Variants in RBFOX1 observed in about 807,000 individuals in gnomAD.
RBFOX1 encodes the protein RNA binding protein fox-1 homolog 1.
In RBFOX1, 8 loss-of-function variants were observed where a neutral mutation model predicts 57.7. The ratio of observed to expected loss-of-function variants is 0.14; its 90% CI spans 0.08 to 0.25. The LOEUF is 0.25. RBFOX1 is among the 10% of genes least tolerant of loss of function. The pLI is 1.00. For synonymous variants in RBFOX1, 326 were observed against 222.4 expected, an observed-to-expected ratio of 1.47 and a Z score of -4.15; for missense variants, 611 against 548.5, an observed-to-expected ratio of 1.11 and a Z score of -1.14.
chr16:7,573,275 G>C (rs2092979988), intron 5 of RBFOX1, among the ~76,000 whole-genome samples: 1 of 152,134 alleles, frequency 6.6e-6, no homozygotes, highest in South Asian at 2.1e-4. Flanking sequence ...AAGCGACAAT[G>C]GGAGACAGGC....
intron 2 of RBFOX1, among the ~76,000 whole-genome samples, chr16:5,579,919 C>T (rs2046604917): frequency 6.6e-6 from 1 of 152,006 alleles, no homozygotes; most frequent in Non-Finnish European, 1.5e-5. Flanking sequence ...GCCACCACGC[C>T]CGGCTAATTT....
At chr16:7,318,819 G>T (rs1464236594) in intron 4 of RBFOX1, among the ~76,000 whole-genome samples, 2 of 152,126 alleles carry the variant, frequency 1.3e-5, no homozygotes, top group Non-Finnish European at 2.9e-5. Flanking sequence ...CGTAGAACAG[G>T]TGTGTGGTGA....
intron 5 of RBFOX1, among the ~76,000 whole-genome samples, chr16:7,568,524 C>A (rs986327793): frequency 6.6e-6 from 1 of 152,016 alleles, no homozygotes. Flanking sequence ...GCTTCTTTAC[C>A]TGTTTTATCA....
chr16:6,528,962 C>G (rs921340666), intron 2 of RBFOX1, among the ~76,000 whole-genome samples: 16 of 152,136 alleles, frequency 1.1e-4, no homozygotes, highest in Non-Finnish European at 2.2e-4. Flanking sequence ...TGAACATTAT[C>G]AATTTCTATT....
At chr16:7,700,144 C>G (rs1265757233) in intron 14 of RBFOX1, among the ~76,000 whole-genome samples, 6 of 152,072 alleles carry the variant, frequency 3.9e-5, no homozygotes, top group African/African-American at 7.2e-5. Context: ...TTTGGATCAT[C>G]AATCCAATTC....
chr16:6,910,236 C>T (rs146757879), intron 3 of RBFOX1, among the ~76,000 whole-genome samples: 13 of 152,192 alleles, frequency 8.5e-5, no homozygotes, highest in African/African-American at 2.9e-4. Context: ...GAGATGATTA[C>T]TTCACATTTG....
chr16:5,996,726 G>A (rs944667211), intron 4 of RBFOX1, among the ~76,000 whole-genome samples: 5 of 151,968 alleles, frequency 3.3e-5, no homozygotes, highest in African/African-American at 9.7e-5. Context: ...TTTAACTGAC[G>A]GTCACAGACA....
chr16:7,197,937 C>G (rs997472317), intron 4 of RBFOX1, among the ~76,000 whole-genome samples: 11 of 149,038 alleles, frequency 7.4e-5, no homozygotes, highest in African/African-American at 2.7e-4. Context: ...GAAAAATGAT[C>G]ATGTGTTTTC....
At chr16:7,172,985 T>C (rs944863351) in intron 4 of RBFOX1, among the ~76,000 whole-genome samples, 2 of 152,102 alleles carry the variant, frequency 1.3e-5, no homozygotes, top group Admixed American at 6.6e-5. Flanking sequence ...GTAAAAGAAT[T>C]GCAAAACAAA....
intron 3 of RBFOX1, among the ~76,000 whole-genome samples, chr16:5,796,547 C>A (rs1053034995): frequency 6.9e-6 from 1 of 144,938 alleles, no homozygotes; most frequent in African/African-American, 2.7e-5. Flanking sequence ...AGGGCTGTAT[C>A]AGATGGTGTC....
intron 3 of RBFOX1, among the ~76,000 whole-genome samples, chr16:5,697,530 C>CTTTTTT (rs1359016409): frequency 1.0e-5 from 1 of 98,014 alleles, no homozygotes; most frequent in Non-Finnish European, 2.2e-5. Context: ...CTTTTCTTTT[C>CTTTTTT]TATTCTTTTT....
At chr16:7,264,171 C>T (rs141365433) in intron 4 of RBFOX1, among the ~76,000 whole-genome samples, 2 of 152,236 alleles carry the variant, frequency 1.3e-5, no homozygotes, top group East Asian at 3.9e-4. Flanking sequence ...GGCTCCTGGA[C>T]TCCAGACCTC....
At chr16:7,258,260 T>G in intron 4 of RBFOX1, among the ~76,000 whole-genome samples, 1 of 152,244 alleles carries the variant, frequency 6.6e-6, no homozygotes, top group East Asian at 1.9e-4. Flanking sequence ...AGTGTCCTTC[T>G]TATTAATTAT....
chr16:7,624,564 C>T (rs1041926274), intron 10 of RBFOX1, among the ~76,000 whole-genome samples: 5 of 152,138 alleles, frequency 3.3e-5, no homozygotes, highest in South Asian at 2.1e-4. Context: ...GGCACATAGA[C>T]GAGTAGATGC....
intron 3 of RBFOX1, among the ~76,000 whole-genome samples, chr16:6,915,763 G>C (rs546795817): frequency 2.0e-5 from 3 of 152,132 alleles, no homozygotes; most frequent in Non-Finnish European, 2.9e-5. Flanking sequence ...TGTTGCCCAT[G>C]CTGCCCTCAA....
chr16:5,669,081 A>T (rs1050620734), intron 3 of RBFOX1, among the ~76,000 whole-genome samples: 2 of 152,192 alleles, frequency 1.3e-5, no homozygotes, highest in African/African-American at 2.4e-5. Flanking sequence ...CCCAACAAAG[A>T]TCTCAATTCA....
intron 3 of RBFOX1, among the ~76,000 whole-genome samples, chr16:6,925,441 A>G (rs549137734): frequency 3.4e-4 from 49 of 144,288 alleles, no homozygotes; most frequent in African/African-American, 7.5e-4. Context: ...TTTTAATGCG[A>G]CTAATGGACT....
At chr16:5,997,829 C>T (rs1255765258) in intron 4 of RBFOX1, among the ~76,000 whole-genome samples, 1 of 151,932 alleles carries the variant, frequency 6.6e-6, no homozygotes, top group African/African-American at 2.4e-5. Flanking sequence ...TAGTTTAATG[C>T]CTGTACATTT....
intron 3 of RBFOX1, among the ~76,000 whole-genome samples, chr16:6,822,569 CTT>C (rs2091487609): frequency 6.6e-6 from 1 of 152,218 alleles, no homozygotes. Flanking sequence ...ACAGTGAGCT[CTT>C]CGCCGTGCTT....
Sources: gnomAD v4.1 joint callset for allele counts (sites outside exome capture counted in the v4.1 genomes callset) on GRCh38, gnomAD v4.1.1 for gene constraint, MANE v1.5 for transcripts, NCBI Gene and HGNC (gene_info 2026-07-23, HGNC 2026-07-21) for gene names.